The following APBB2 variants were observed in gnomAD, a reference collection of about 807,000 sequenced individuals.
APBB2 encodes amyloid beta precursor protein binding family B member 2, also known as Fe65-like 1.
Under a neutral mutation model 82.5 loss-of-function variants are expected in APBB2, and 38 were observed. The ratio of observed to expected loss-of-function variants is 0.46; its 90% confidence interval spans 0.36 to 0.60. APBB2 has a LOEUF of 0.60. APBB2 is among the 20% of genes least tolerant of loss of function. The pLI is 0.00. For synonymous variants in APBB2, 341 were observed against 368.2 expected (o/e 0.93, Z 0.85); for missense variants, 772 against 972.3 (o/e 0.79, Z 2.74).
intron 3 of APBB2, among the ~76,000 whole-genome samples, chr4:41,069,405 C>A (rs1320562800): frequency 6.6e-6 from 1 of 152,114 alleles, no homozygotes; most frequent in Non-Finnish European, 1.5e-5. Context: ...CATTAGAAAC[C>A]CGATGCGATG....
chr4:41,130,354 G>A lies in APBB2; in HGVS notation c.-261+12633C>T, dbSNP rs1221435642. 5.3e-5 allele frequency among the ~76,000 whole-genome samples: 8 copies of A among 152,130 alleles called. No individual in the cohort carries two copies. In the South Asian group the frequency reaches 1.2e-3, roughly 24 times the overall value. On this transcript the variant is annotated intron_variant, in intron 2 of 17. Transcript: ENST00000508593. ...TTCCACCAGAAAACAGTCCTGACTC[G>A]ACCTTCAGCGTAGATCCATTGCTGC...
intron 1 of APBB2, among the ~76,000 whole-genome samples, chr4:41,198,994 C>G (rs1185511386): frequency 2.0e-5 from 3 of 152,116 alleles, no homozygotes; most frequent in Non-Finnish European, 4.4e-5. Context: ...CAAAACAAAA[C>G]AAAAACAAAT....
chr4:40,862,499 T>C (rs955954141), intron 12 of APBB2, among the ~76,000 whole-genome samples: 1 of 152,190 alleles, frequency 6.6e-6, no homozygotes, highest in Non-Finnish European at 1.5e-5. Context: ...ATCAGAGGAT[T>C]TCAAAGCAGC....
intron 10 of APBB2, among the ~76,000 whole-genome samples, chr4:40,898,865 A>ACT (rs1774464496): frequency 1.2e-5 from 1 of 81,816 alleles, no homozygotes; most frequent in Non-Finnish European, 2.8e-5. Flanking sequence ...TCACACACAC[A>ACT]CACACACACA....
At chr4:41,132,645 C>T (rs745913935) in intron 2 of APBB2, among the ~76,000 whole-genome samples, 7 of 152,154 alleles carry the variant, frequency 4.6e-5, no homozygotes, top group Non-Finnish European at 1.0e-4. Flanking sequence ...ATTCATTGTC[C>T]TTCAAATTAC....
At chr4:41,166,414 A>G (rs1205048026) in intron 1 of APBB2, among the ~76,000 whole-genome samples, 1 of 151,776 alleles carries the variant, frequency 6.6e-6, no homozygotes, top group Non-Finnish European at 1.5e-5. Flanking sequence ...TCATCTCTAC[A>G]AAAAAATCAA....
chr4:41,022,196 CT>C (rs1348424939), intron 5 of APBB2, among the ~76,000 whole-genome samples: 1 of 152,134 alleles, frequency 6.6e-6, no homozygotes, highest in African/African-American at 2.4e-5. Context: ...TAAAAACCAC[CT>C]GGGGGGCTTT....
chr4:40,932,318 G>A (rs567464917), intron 10 of APBB2, among the ~76,000 whole-genome samples: 2 of 152,330 alleles, frequency 1.3e-5, no homozygotes, highest in Non-Finnish European at 1.5e-5. Flanking sequence ...TTAAAGACCA[G>A]CAATGTTAGA....
chr4:40,920,628 T>C (rs896600528), intron 10 of APBB2, among the ~76,000 whole-genome samples: 1 of 152,026 alleles, frequency 6.6e-6, no homozygotes, highest in Non-Finnish European at 1.5e-5. Context: ...TCCCAGCACT[T>C]TGGGAGGCCG....
At chr4:40,948,981 T>C (rs1352851381) in intron 6 of APBB2, among the ~76,000 whole-genome samples, 2 of 151,582 alleles carry the variant, frequency 1.3e-5, no homozygotes, top group Non-Finnish European at 2.9e-5. Context: ...TCAACTGTTA[T>C]CAAACTGGGG....
At position 41,013,608 on chromosome 4, in the gene APBB2, G is replaced by A; in HGVS notation, c.810C>T (p.Ala270=). The A allele has an allele frequency of 1.2e-6, 2 of 1,614,116 alleles. No individual in the cohort carries two copies. The highest frequency in any genetic ancestry group is 1.7e-6 in the Non-Finnish European group (2 of 1,179,970). The change falls in exon 6 of 18, where the codon GCC becomes GCT. Residue 270 remains alanine (A), a synonymous_variant. Transcript: ENST00000508593. ...SSWTTLSQDS[A]SPSSPDETAD... is the part of the protein sequence containing the mutation. Reference sequence around the variant, plus strand: ...CTGTTTCATCCGGGGAGCTGGGTGAGGCACTGTCTTGGGACAACGTTGTCC... The same window carrying A: ...CTGTTTCATCCGGGGAGCTGGGTGAAGCACTGTCTTGGGACAACGTTGTCC...
At position 40,822,022 on chromosome 4, in the gene APBB2, C is replaced by T; in HGVS notation, c.1961G>A (p.Arg654His). The T allele has an allele frequency of 1.2e-6, 2 of 1,614,170 alleles. No individual in the cohort carries two copies. Among genetic ancestry groups the T allele is most frequent in the Non-Finnish European group, 1.7e-6 (2 of 1,180,048 alleles). The change falls in exon 17 of 18, where the codon CGT becomes CAT. Residue 654 changes from arginine (R) to histidine (H), a missense_variant. Arg to His is a conservative substitution (Grantham distance 29, BLOSUM62 0). Coordinates refer to ENST00000508593, the MANE Select transcript of APBB2 (RefSeq NM_004307.2). ...KNEEEVLVEC[R>H]VRFLSFMGVG... The stretch of plus-strand genomic sequence containing the variant: ...ACCCATGAAGGACAGGAATCGCACA[C>T]GACATTCCACTAAGACTTCCTCTTC...
At position 41,159,946 on chromosome 4, in the gene APBB2, AAG is replaced by A. The variant is rs1560912881; in HGVS notation, c.-416-16806_-416-16805del. Among the ~76,000 whole-genome samples, 2 of 47,562 alleles carry A rather than the reference AAG, an allele frequency of 4.2e-5. 1 individual carries two copies. The highest frequency in any genetic ancestry group is 7.7e-5 in the Non-Finnish European group (2 of 25,902). The allele number at this position is 47,562 out of a possible 152,430, so 31.2% of individuals were successfully genotyped here. On this transcript the variant is annotated intron_variant, in intron 1 of 17. Coordinates refer to ENST00000508593, the MANE Select transcript of APBB2 (RefSeq NM_004307.2). ...GGAGGAGGAGGAGGAGGAGGAGGAG[AAG>A]GAGAAGGAGAAGGAGAAGAAGAAGA...
chr4:40,908,608 G>A (rs115275638), intron 10 of APBB2, among the ~76,000 whole-genome samples: 3,307 of 152,102 alleles, frequency 0.022, 118 homozygotes, highest in African/African-American at 0.076. Flanking sequence ...GGCTGGCACC[G>A]GAGCCCAGGG....
intron 6 of APBB2, among the ~76,000 whole-genome samples, chr4:40,978,573 T>TG (rs886071497): frequency 5.3e-5 from 8 of 150,638 alleles, no homozygotes; most frequent in Admixed American, 3.9e-4. Context: ...ATATTTTCCT[T>TG]GGGAAAAAAA....
chr4:40,818,137 T>C (rs1051587643), intron 17 of APBB2, among the ~76,000 whole-genome samples: 1 of 152,202 alleles, frequency 6.6e-6, no homozygotes, highest in African/African-American at 2.4e-5. Flanking sequence ...TTAGTGTCAA[T>C]AGATATTCAC....
intron 1 of APBB2, among the ~76,000 whole-genome samples, chr4:41,159,691 T>C (rs113715873): frequency 0.04 from 6,149 of 152,036 alleles, 140 homozygotes; most frequent in Middle Eastern, 0.058. Flanking sequence ...AGCTATAAAG[T>C]GCCTCTAAGC....
intron 5 of APBB2, among the ~76,000 whole-genome samples, chr4:41,018,997 T>C (rs866004154): frequency 6.6e-6 from 1 of 152,208 alleles, no homozygotes. Context: ...GGCAGAAAGA[T>C]AAGGTTCCCA....
At chr4:41,162,120 A>G (rs949196860) in intron 1 of APBB2, among the ~76,000 whole-genome samples, 18 of 152,242 alleles carry the variant, frequency 1.2e-4, no homozygotes, top group African/African-American at 4.1e-4. Flanking sequence ...GCATAACCAC[A>G]ATAGTATTAA....
Sources: gnomAD v4.1 joint callset for allele counts (sites outside exome capture counted in the v4.1 genomes callset) on GRCh38, gnomAD v4.1.1 for gene constraint, MANE v1.5 for transcripts, NCBI Gene and HGNC (gene_info 2026-07-23, HGNC 2026-07-21) for gene names.